The following DIAPH2 variants were observed in gnomAD, a reference collection of about 807,000 sequenced individuals.
DIAPH2 encodes diaphanous related formin 2, also known as protein diaphanous homolog 2.
A neutral mutation model predicts 92.7 loss-of-function variants in DIAPH2; 35 were observed. The observed-to-expected ratio is 0.38, with a 90% CI of 0.29 to 0.50. The LOEUF (loss-of-function observed/expected upper bound fraction) is 0.50, where lower values mean the gene tolerates loss of function less well. Ranked by LOEUF, DIAPH2 falls within the 20% of genes least tolerant of loss-of-function variation. DIAPH2 has a pLI of 0.94. For synonymous variants in DIAPH2, 301 were observed against 280.4 expected, an observed-to-expected ratio of 1.07 and a Z score of -0.73; for missense variants, 701 against 819.5, an observed-to-expected ratio of 0.86 and a Z score of 1.77.
intron 26 of DIAPH2, among the ~76,000 whole-genome samples, chrX:97,438,450 C>G (rs1183352753): frequency 2.0e-5 from 2 of 100,336 alleles, no homozygotes; most frequent in Non-Finnish European, 4.0e-5. Flanking sequence ...CCTGCAGCCT[C>G]AAACTCCCAA....
At chrX:97,021,491 A>C (rs2066297739) in intron 17 of DIAPH2, among the ~76,000 whole-genome samples, 1 of 112,323 alleles carries the variant, frequency 8.9e-6, no homozygotes, top group African/African-American at 3.2e-5. Context: ...AGCCACCAGC[A>C]AGAAAGTCTT....
chrX:97,054,664 T>A (rs2066543602), intron 17 of DIAPH2, among the ~76,000 whole-genome samples: 1 of 111,787 alleles, frequency 8.9e-6, no homozygotes, highest in South Asian at 3.7e-4. Context: ...TAGTGAGTAA[T>A]CTGGTTTGGG....
At chrX:97,014,369 A>C (rs2066246926) in intron 17 of DIAPH2, among the ~76,000 whole-genome samples, 1 of 112,096 alleles carries the variant, frequency 8.9e-6, no homozygotes. Context: ...TTTGTTTCTT[A>C]GATTTTATTT....
chrX:97,250,500 C>G (rs1424025481), intron 23 of DIAPH2, among the ~76,000 whole-genome samples: 1 of 112,041 alleles, frequency 8.9e-6, no homozygotes, highest in African/African-American at 3.2e-5. Flanking sequence ...TGATTGAACA[C>G]TTAAAGTATG....
rs200380831 is a variant in DIAPH2 at position 96,884,878 on chromosome X, G to T, written c.587+3160G>T. ...TGTGTCTCCATCAGAAGTGAATGAT[G>T]CTGGGGATAACGATGAGAGTCACCG... On this transcript the variant is annotated intron_variant, in intron 5 of 26. Transcript: ENST00000324765. 4.3e-4 allele frequency: 523 copies of T among 1,208,985 alleles called. No individual in the cohort carries two copies. Among genetic ancestry groups the T allele is most frequent in the Non-Finnish European group, 5.7e-4 (512 of 894,798 alleles).
intron 1 of DIAPH2, among the ~76,000 whole-genome samples, chrX:96,722,801 T>G (rs756402674): frequency 8.9e-6 from 1 of 112,096 alleles, no homozygotes; most frequent in East Asian, 2.8e-4. Flanking sequence ...AATTCCACTT[T>G]TGTGGTGTTT....
intron 5 of DIAPH2, among the ~76,000 whole-genome samples, chrX:96,894,861 G>A (rs1215293056): frequency 9.1e-6 from 1 of 109,815 alleles, no homozygotes; most frequent in African/African-American, 3.3e-5. Flanking sequence ...TCACCTTATT[G>A]CATTTCACAA....
At chrX:97,494,652 A>T (rs1178322568) in intron 26 of DIAPH2, among the ~76,000 whole-genome samples, 1 of 112,223 alleles carries the variant, frequency 8.9e-6, no homozygotes, top group African/African-American at 3.2e-5. Context: ...TAACCAATTC[A>T]CTAGGCTAGA....
chrX:97,133,075 A>G (rs1047037757), intron 21 of DIAPH2, among the ~76,000 whole-genome samples: 1 of 111,956 alleles, frequency 8.9e-6, no homozygotes, highest in East Asian at 2.8e-4. Flanking sequence ...AATATGCTTT[A>G]AAGATAGTCT....
At chrX:96,859,499 C>A (rs1206397381) in intron 4 of DIAPH2, among the ~76,000 whole-genome samples, 2 of 109,579 alleles carry the variant, frequency 1.8e-5, no homozygotes, top group Non-Finnish European at 3.8e-5. Flanking sequence ...TGATGGGGGA[C>A]TAATCCTATA....
At chrX:97,412,823 G>T (rs1228370529) in intron 25 of DIAPH2, among the ~76,000 whole-genome samples, 1 of 111,667 alleles carries the variant, frequency 9.0e-6, no homozygotes, top group African/African-American at 3.3e-5. Context: ...ATAAATTCCT[G>T]GACACATACA....
intron 26 of DIAPH2, among the ~76,000 whole-genome samples, chrX:97,589,757 G>C (rs1465094611): frequency 8.9e-6 from 1 of 112,362 alleles, no homozygotes; most frequent in Non-Finnish European, 1.9e-5. Flanking sequence ...TGAGAAGCAA[G>C]TTGCTAGGTT....
At chrX:96,749,819 C>G (rs2064175935) in intron 3 of DIAPH2, among the ~76,000 whole-genome samples, 1 of 110,694 alleles carries the variant, frequency 9.0e-6, no homozygotes, top group Non-Finnish European at 1.9e-5. Flanking sequence ...CATGCCTGTT[C>G]CAGACAGTAC....
At chrX:96,976,285 C>A (rs944187424) in intron 17 of DIAPH2, among the ~76,000 whole-genome samples, 1 of 80,512 alleles carries the variant, frequency 1.2e-5, no homozygotes, top group Non-Finnish European at 2.7e-5. Context: ...GAGACTCCAT[C>A]TCAAAGAAAA....
intron 23 of DIAPH2, among the ~76,000 whole-genome samples, chrX:97,271,341 A>T: frequency 8.9e-6 from 1 of 112,394 alleles, no homozygotes; most frequent in Non-Finnish European, 1.9e-5. Context: ...TGTGATCATA[A>T]CAATAACAAA....
chrX:96,732,819 A>G (rs974847207), intron 1 of DIAPH2, among the ~76,000 whole-genome samples: 2 of 112,337 alleles, frequency 1.8e-5, no homozygotes, highest in South Asian at 7.4e-4. Context: ...TTAGAAATGT[A>G]TATAGCAGAA....
Position 97,137,990 on chromosome X carries a change from T to C in DIAPH2, c.2590-3675T>C, listed in dbSNP as rs977661371. On this transcript the variant is annotated intron_variant, in intron 21 of 26. Transcript: ENST00000324765. ...TTTCACTCTGTGAGAGGTTGTTACG[T>C]ACAGCATAGTGACCAGTTATTTTCA... is the stretch of plus-strand genomic sequence containing the variant. 1.8e-3 allele frequency among the ~76,000 whole-genome samples: 200 copies of C among 112,230 alleles called. 2 individuals carry two copies. The highest frequency in any genetic ancestry group is 3.6e-4 in the Non-Finnish European group (19 of 53,238).
intron 26 of DIAPH2, among the ~76,000 whole-genome samples, chrX:97,430,728 T>C (rs890104639): frequency 1.8e-5 from 2 of 112,444 alleles, no homozygotes; most frequent in Admixed American, 1.9e-4. Flanking sequence ...TCAAAACCAT[T>C]GTATTGCAAC....
chrX:97,212,735 G>T, intron 22 of DIAPH2, among the ~76,000 whole-genome samples: 1 of 109,338 alleles, frequency 9.1e-6, no homozygotes. Flanking sequence ...TATTAGACAT[G>T]TTTATAACTT....
Sources: allele counts gnomAD v4.1 joint callset (sites outside exome capture counted in the v4.1 genomes callset), GRCh38; gene constraint gnomAD v4.1.1; transcripts MANE v1.5; gene names NCBI Gene and HGNC (gene_info 2026-07-23, HGNC 2026-07-21).